NEMP2: variants seen among roughly 807,000 people sequenced by gnomAD.
The protein encoded by NEMP2 is nuclear envelope integral membrane protein 2, also known as UPF0571 transmembrane protein.
Under a neutral mutation model 54.2 loss-of-function variants are expected in NEMP2, and 53 were observed. The ratio of observed to expected loss-of-function variants is 0.98; its 90% CI spans 0.78 to 1.23. The LOEUF (loss-of-function observed/expected upper bound fraction) is 1.23. Among genes scored for constraint, NEMP2 ranks in the 50% most tolerant of loss-of-function variants. The pLI, the probability that NEMP2 is intolerant of heterozygous loss-of-function variation, is 0.00. For missense variants in NEMP2, 455 were observed against 511.3 expected (o/e 0.89, Z 1.06); for synonymous variants, 197 against 190.3 (o/e 1.04, Z -0.29).
chr2:190,533,892 A>G lies in NEMP2; in HGVS notation c.97+667T>C. On this transcript the variant is annotated intron_variant, in intron 1 of 8. Transcript: ENST00000409150. This position sits in a 1 kb window ranked among gnomAD's most constrained non-coding sequence, Gnocchi z 4.3. ...TTCCCAGATCCTTCCCCAGTGTGCC[A>G]GCATCTTAAGCCCACTCCGTGGCGA... 1 of 820,594 alleles carries G rather than the reference A, an allele frequency of 1.2e-6. No homozygotes were observed. The allele number at this position is 820,594 out of a possible 1,614,324, so 50.8% of individuals were successfully genotyped here.
rs1300097806 is a variant in NEMP2 at position 190,507,771 on chromosome 2, G to A, written c.*1418C>T. ...TAGGAAGTTCCAGATGGATAGTCAT[G>A]CTCTTTTTTCATGATTTAGAAAAAC... On this transcript the variant is annotated 3_prime_UTR_variant, in exon 9 of 9. Transcript: ENST00000409150. The surrounding 1 kb of genome is among the most constrained non-coding windows in gnomAD (Gnocchi z 4.4). 6.6e-6 allele frequency: 1 copy of A among 152,172 alleles called. No homozygotes were observed. The highest frequency in any genetic ancestry group is 1.5e-5 in the Non-Finnish European group (1 of 68,034). The allele number at this position is 152,172 out of a possible 1,614,324, so 9.4% of individuals were successfully genotyped here.
chr2:190,567,132 G>T, the NEMP2 span, among the ~76,000 whole-genome samples: 1 of 152,102 alleles, frequency 6.6e-6, no homozygotes, highest in Admixed American at 6.5e-5. This position sits in a 1 kb window ranked among gnomAD's most constrained non-coding sequence, Gnocchi z 4.0. Flanking sequence ...AGCAGAATGC[G>T]ATGATAAAAG....
chr2:190,425,406 T>A, the NEMP2 span, among the ~76,000 whole-genome samples: 1 of 152,222 alleles, frequency 6.6e-6, no homozygotes, highest in Non-Finnish European at 1.5e-5. The surrounding 1 kb of genome is among the most constrained non-coding windows in gnomAD (Gnocchi z 4.3). Flanking sequence ...TCTTGCCTTG[T>A]TCCCTATCTT....
the NEMP2 span, among the ~76,000 whole-genome samples, chr2:190,562,990 C>G: frequency 7.2e-5 from 10 of 137,998 alleles, no homozygotes; most frequent in South Asian, 2.2e-4. The surrounding 1 kb of genome is among the most constrained non-coding windows in gnomAD (Gnocchi z 5.0). Context: ...CTCCAGTGAT[C>G]AGGCTATAAA....
chr2:190,552,825 TCAA>T, the NEMP2 span, among the ~76,000 whole-genome samples: 14 of 152,204 alleles, frequency 9.2e-5, no homozygotes, highest in Non-Finnish European at 4.4e-5. Flanking sequence ...AATTGTAACT[TCAA>T]CAGTTTAGGG....
the NEMP2 span, among the ~76,000 whole-genome samples, chr2:190,587,751 G>A: frequency 1.3e-5 from 2 of 152,166 alleles, no homozygotes; most frequent in African/African-American, 4.8e-5. This position sits in a 1 kb window ranked among gnomAD's most constrained non-coding sequence, Gnocchi z 5.4. Flanking sequence ...AATTGAGAAG[G>A]TAATTGTAGG....
At chr2:190,631,596 CAT>C in the NEMP2 span, among the ~76,000 whole-genome samples, 2 of 152,336 alleles carry the variant, frequency 1.3e-5, no homozygotes, top group East Asian at 3.9e-4. Context: ...TATATTAACA[CAT>C]GTTGATTGCA....
chr2:190,622,995 T>G, the NEMP2 span, among the ~76,000 whole-genome samples: 1 of 151,994 alleles, frequency 6.6e-6, no homozygotes, highest in Non-Finnish European at 1.5e-5. Context: ...TTTCAGGATA[T>G]AAAATCAACA....
At chr2:190,635,666 A>G in the NEMP2 span, among the ~76,000 whole-genome samples, 1 of 152,180 alleles carries the variant, frequency 6.6e-6, no homozygotes, top group African/African-American at 2.4e-5. The surrounding 1 kb of genome is among the most constrained non-coding windows in gnomAD (Gnocchi z 4.1). Context: ...TCTAATATAC[A>G]TCATTTCCAA....
At chr2:190,492,862 A>G in the NEMP2 span, among the ~76,000 whole-genome samples, 3 of 152,144 alleles carry the variant, frequency 2.0e-5, no homozygotes, top group Non-Finnish European at 4.4e-5. This position sits in a 1 kb window ranked among gnomAD's most constrained non-coding sequence, Gnocchi z 5.2. Flanking sequence ...CCAGCACTAC[A>G]AGAGCTGAAA....
chr2:190,448,474 G>C, the NEMP2 span, among the ~76,000 whole-genome samples: 2 of 152,298 alleles, frequency 1.3e-5, no homozygotes, highest in East Asian at 3.9e-4. Flanking sequence ...AAATGTTAAT[G>C]CAGGGGTTAA....
chr2:190,426,112 GT>G, the NEMP2 span, among the ~76,000 whole-genome samples: 1 of 152,118 alleles, frequency 6.6e-6, no homozygotes, highest in East Asian at 1.9e-4. The surrounding 1 kb of genome is among the most constrained non-coding windows in gnomAD (Gnocchi z 4.7). Context: ...AATTTGAGAA[GT>G]TTTTAGCCTT....
the NEMP2 span, among the ~76,000 whole-genome samples, chr2:190,427,112 A>G: frequency 6.6e-6 from 1 of 152,178 alleles, no homozygotes; most frequent in Non-Finnish European, 1.5e-5. Context: ...CTGATTCTCT[A>G]CTGTAACTCC....
the NEMP2 span, chr2:190,477,255 T>G: frequency 1.0e-6 from 1 of 983,714 alleles, no homozygotes; most frequent in Non-Finnish European, 1.2e-6. Context: ...AATGATTCAA[T>G]AACAAGGTAA....
the NEMP2 span, among the ~76,000 whole-genome samples, chr2:190,594,477 G>A: frequency 6.6e-6 from 1 of 152,182 alleles, no homozygotes; most frequent in Non-Finnish European, 1.5e-5. This position sits in a 1 kb window ranked among gnomAD's most constrained non-coding sequence, Gnocchi z 5.6. Context: ...TCTGTTAATG[G>A]AAAGGTTTGA....
rs1476361125 is a variant in NEMP2, at chr2:190,522,191, A to C, written c.214-3008T>G. Among the ~76,000 whole-genome samples, 3 of 152,284 alleles carry C rather than the reference A, an allele frequency of 2.0e-5. No individual in the cohort carries two copies. The highest frequency in any genetic ancestry group is 7.2e-5 in the African/African-American group (3 of 41,546). ...AAATAATGATAATAACACAAACATA[A>C]AGATGGAAACAACAGACAACTGGGG... On this transcript the variant is annotated intron_variant, in intron 2 of 8. Transcript: ENST00000409150. The surrounding 1 kb of genome is among the most constrained non-coding windows in gnomAD (Gnocchi z 5.0).
At chr2:190,589,013 T>C in the NEMP2 span, among the ~76,000 whole-genome samples, 5 of 152,208 alleles carry the variant, frequency 3.3e-5, no homozygotes, top group African/African-American at 9.7e-5. The surrounding 1 kb of genome is among the most constrained non-coding windows in gnomAD (Gnocchi z 4.3). Flanking sequence ...TATCTTTATA[T>C]GGGCTAACTT....
At chr2:190,638,375 T>C in the NEMP2 span, among the ~76,000 whole-genome samples, 1 of 151,988 alleles carries the variant, frequency 6.6e-6, no homozygotes, top group Non-Finnish European at 1.5e-5. This position sits in a 1 kb window ranked among gnomAD's most constrained non-coding sequence, Gnocchi z 5.7. Flanking sequence ...CCACAGTATG[T>C]GAGTGGGAGT....
rs1319642951 is a variant in NEMP2, at chr2:190,533,606, GTC to G, written c.97+951_97+952del. Among the ~76,000 whole-genome samples the G allele has an allele frequency of 6.6e-6, 1 of 152,090 alleles. No individual in the cohort carries two copies. Among genetic ancestry groups the G allele is most frequent in the East Asian group, 1.9e-4 (1 of 5,196 alleles). On this transcript the variant is annotated intron_variant, in intron 1 of 8. Transcript: ENST00000409150. The surrounding 1 kb of genome is among the most constrained non-coding windows in gnomAD (Gnocchi z 4.3). The stretch of plus-strand genomic sequence containing the variant: ...CTGATAATGACCTCATCAACATCCA[GTC>G]TCTCATTCATCCTTAGATAAAAAAC...
Sources: gnomAD v4.1 joint callset for allele counts (sites outside exome capture counted in the v4.1 genomes callset) on GRCh38, gnomAD v4.1.1 for gene constraint, Gnocchi (gnomAD v3.1) non-coding constraint, MANE v1.5 for transcripts, NCBI Gene and HGNC (gene_info 2026-07-23, HGNC 2026-07-21) for gene names.